Variants in CDH13 observed in about 807,000 individuals in gnomAD.
CDH13 encodes the protein cadherin-13.
In CDH13, 24 loss-of-function variants were observed where a neutral mutation model predicts 63.8. The observed-to-expected ratio is 0.38, with a 90% CI of 0.27 to 0.53. The LOEUF (loss-of-function observed/expected upper bound fraction) is 0.53, where lower values mean the gene tolerates loss of function less well. Among genes scored for constraint, CDH13 ranks in the 20% least tolerant of loss-of-function variants. The probability of loss-of-function intolerance (pLI) is 0.85; values close to 1 mark genes in which losing one functional copy is unlikely to be tolerated. For missense variants in CDH13, 1,049 were observed against 903.1 expected (o/e 1.16, Z -2.07); for synonymous variants, 503 against 355.3 (o/e 1.42, Z -4.67).
chr16:83,340,567 C>G (rs1476142501), intron 5 of CDH13, among the ~76,000 whole-genome samples: 3 of 152,178 alleles, frequency 2.0e-5, no homozygotes, highest in Non-Finnish European at 4.4e-5. Flanking sequence ...AGTACAACAT[C>G]ACTCAAACAG....
At chr16:82,910,280 G>T (rs1030687994) in intron 2 of CDH13, among the ~76,000 whole-genome samples, 1 of 152,132 alleles carries the variant, frequency 6.6e-6, no homozygotes, top group Non-Finnish European at 1.5e-5. Flanking sequence ...TATTCTGGCC[G>T]ATACTCATAG....
chr16:83,703,081 G>A (rs115612470), intron 10 of CDH13, among the ~76,000 whole-genome samples: 1,746 of 152,204 alleles, frequency 0.011, 41 homozygotes, highest in African/African-American at 0.04. Flanking sequence ...TTCCTCCTTG[G>A]GTCATGTATC....
intron 6 of CDH13, chr16:83,397,828 C>T (rs556468028): frequency 1.3e-5 from 2 of 152,246 alleles, no homozygotes; most frequent in Admixed American, 1.3e-4. Context: ...GGCAGTTTGC[C>T]CTGTCCATAT....
intron 6 of CDH13, among the ~76,000 whole-genome samples, chr16:83,439,880 T>G (rs2072433359): frequency 6.6e-6 from 1 of 152,210 alleles, no homozygotes; most frequent in South Asian, 2.1e-4. Context: ...CTTGGTGTCC[T>G]TTCTCTAACA....
At chr16:82,731,102 T>C (rs1377920033) in intron 1 of CDH13, among the ~76,000 whole-genome samples, 1 of 152,184 alleles carries the variant, frequency 6.6e-6, no homozygotes, top group East Asian at 1.9e-4. Context: ...AAGCTGGCCA[T>C]GCCGGGAGTA....
At chr16:83,136,840 A>T (rs2036312305) in intron 4 of CDH13, among the ~76,000 whole-genome samples, 1 of 152,154 alleles carries the variant, frequency 6.6e-6, no homozygotes, top group African/African-American at 2.4e-5. Flanking sequence ...TCAAAGTCAG[A>T]TGCTTTGGGT....
chr16:82,973,723 T>G (rs961477425), intron 2 of CDH13, among the ~76,000 whole-genome samples: 1 of 152,202 alleles, frequency 6.6e-6, no homozygotes, highest in Non-Finnish European at 1.5e-5. Flanking sequence ...TTATTTCTTT[T>G]TATTCTTCTA....
At chr16:83,185,739 A>G (rs2038497209) in intron 4 of CDH13, among the ~76,000 whole-genome samples, 1 of 152,246 alleles carries the variant, frequency 6.6e-6, no homozygotes, top group Non-Finnish European at 1.5e-5. Flanking sequence ...TGGAATAAAC[A>G]GGCACTGTTG....
intron 6 of CDH13, among the ~76,000 whole-genome samples, chr16:83,432,638 C>G (rs991355497): frequency 2.0e-5 from 3 of 152,144 alleles, no homozygotes; most frequent in African/African-American, 4.8e-5. Flanking sequence ...TGTCACTTCA[C>G]TCTGGGTGGA....
chr16:83,222,835 A>C (rs77732953), intron 5 of CDH13, among the ~76,000 whole-genome samples: 3 of 152,242 alleles, frequency 2.0e-5, no homozygotes, highest in African/African-American at 7.2e-5. Context: ...TGCTACAGGA[A>C]ATACCCACAT....
At chr16:83,561,557 A>G (rs2075709298) in intron 7 of CDH13, among the ~76,000 whole-genome samples, 1 of 152,176 alleles carries the variant, frequency 6.6e-6, no homozygotes, top group Non-Finnish European at 1.5e-5. Flanking sequence ...ATTACCAGCT[A>G]ACATTTATTG....
At chr16:83,077,304 G>A (rs1480750585) in intron 3 of CDH13, among the ~76,000 whole-genome samples, 1 of 138,226 alleles carries the variant, frequency 7.2e-6, no homozygotes, top group African/African-American at 2.7e-5. Flanking sequence ...CGATTCTTGT[G>A]TCTCAGCCTT....
At chr16:83,213,321 T>C (rs957148285) in intron 4 of CDH13, among the ~76,000 whole-genome samples, 2 of 152,104 alleles carry the variant, frequency 1.3e-5, no homozygotes, top group African/African-American at 4.8e-5. Flanking sequence ...CACCCTGGGA[T>C]AATTTCTGGG....
At chr16:83,233,370 G>C (rs988013287) in intron 5 of CDH13, among the ~76,000 whole-genome samples, 5 of 152,146 alleles carry the variant, frequency 3.3e-5, no homozygotes, top group African/African-American at 4.8e-5. Context: ...CAGATGCTAC[G>C]TCACCAGTCC....
chr16:82,814,001 ATAC>A (rs2037579338), intron 1 of CDH13, among the ~76,000 whole-genome samples: 1 of 152,084 alleles, frequency 6.6e-6, no homozygotes, highest in Non-Finnish European at 1.5e-5. Flanking sequence ...TCCTATTCAA[ATAC>A]CGGCTGCTGT....
intron 4 of CDH13, among the ~76,000 whole-genome samples, chr16:83,137,640 C>A (rs1597398093): frequency 6.6e-6 from 1 of 152,256 alleles, no homozygotes; most frequent in South Asian, 2.1e-4. Flanking sequence ...GCAGAAAAAG[C>A]CAACTTCGGT....
chr16:83,560,899 G>GCACC (rs1555573400), intron 7 of CDH13, among the ~76,000 whole-genome samples: 3,043 of 148,478 alleles, frequency 0.02, 39 homozygotes, highest in Admixed American at 0.028. Flanking sequence ...CATAAGGTTG[G>GCACC]CCCCCCCCCC....
intron 5 of CDH13, among the ~76,000 whole-genome samples, chr16:83,311,039 C>T (rs1362106420): frequency 6.6e-6 from 1 of 152,196 alleles, no homozygotes; most frequent in Non-Finnish European, 1.5e-5. Context: ...CTCCCCACTT[C>T]CTTCCTGATG....
At chr16:83,456,028 G>A (rs1367331499) in intron 6 of CDH13, among the ~76,000 whole-genome samples, 1 of 152,232 alleles carries the variant, frequency 6.6e-6, no homozygotes, top group Admixed American at 6.5e-5. Context: ...TGTCTTCAGC[G>A]AGGCTGGAGT....
Sources: allele counts gnomAD v4.1 joint callset (sites outside exome capture counted in the v4.1 genomes callset), GRCh38; gene constraint gnomAD v4.1.1; transcripts MANE v1.5; gene names NCBI Gene and HGNC (gene_info 2026-07-23, HGNC 2026-07-21).